RBMS3: variants seen among roughly 807,000 people sequenced by gnomAD.
RBMS3 encodes the protein RNA binding motif single stranded interacting protein 3.
In RBMS3, 27 loss-of-function variants were observed where a neutral mutation model predicts 66.8. The ratio of observed to expected loss-of-function variants is 0.40; its 90% CI spans 0.30 to 0.56. The LOEUF (loss-of-function observed/expected upper bound fraction) is 0.56, where lower values mean the gene tolerates loss of function less well. Ranked by LOEUF, RBMS3 falls within the 20% of genes least tolerant of loss-of-function variation. The probability of loss-of-function intolerance (pLI) is 0.40; values close to 1 mark genes in which losing one functional copy is unlikely to be tolerated. For synonymous variants in RBMS3, 188 were observed against 183.0 expected (o/e 1.03, Z -0.22); for missense variants, 513 against 549.5 (o/e 0.93, Z 0.66).
rs1354316250 is a variant in RBMS3 at position 29,930,882 on chromosome 3, T to C, written c.940-5204T>C. 2.6e-5 allele frequency among the ~76,000 whole-genome samples: 4 copies of C among 152,282 alleles called. No individual in the cohort carries two copies. In the East Asian group the frequency reaches 7.7e-4, roughly 29 times the overall value. On this transcript the variant is annotated intron_variant, in intron 10 of 14. Transcript: ENST00000383767. ...ATGGTTTTAAAACTGAACTGCCCCT[T>C]GGGAGAACAAGTTTTCTCAAGAATT...
intron 3 of RBMS3, among the ~76,000 whole-genome samples, chr3:29,539,077 A>G (rs970560129): frequency 3.9e-5 from 6 of 152,202 alleles, no homozygotes; most frequent in African/African-American, 1.4e-4. Context: ...CACAGAAATT[A>G]TAACTGAAGT....
At chr3:29,850,171 G>A (rs2058895633) in intron 6 of RBMS3, among the ~76,000 whole-genome samples, 1 of 152,142 alleles carries the variant, frequency 6.6e-6, no homozygotes, top group African/African-American at 2.4e-5. Context: ...ATCCTGGGGA[G>A]GAGGGGATAC....
At chr3:29,526,168 T>G (rs13096411) in intron 3 of RBMS3, 19,506 of 152,020 alleles carry the variant, frequency 0.13, 1,303 homozygotes, top group South Asian at 0.22. Flanking sequence ...AGCCCATAAG[T>G]GCTGATGTAG....
chr3:29,892,366 C>T (rs1308061531), intron 8 of RBMS3, among the ~76,000 whole-genome samples: 1 of 151,508 alleles, frequency 6.6e-6, no homozygotes, highest in African/African-American at 2.4e-5. Flanking sequence ...ATGCTACTAC[C>T]GTTCAGGACT....
chr3:29,811,650 C>G (rs1044374158), intron 6 of RBMS3, among the ~76,000 whole-genome samples: 17 of 152,102 alleles, frequency 1.1e-4, no homozygotes, highest in Non-Finnish European at 2.1e-4. Context: ...GTTTTTTTCT[C>G]TCCTGCTAAA....
intron 3 of RBMS3, among the ~76,000 whole-genome samples, chr3:29,582,145 C>T (rs1259437029): frequency 7.9e-6 from 1 of 126,092 alleles, no homozygotes; most frequent in East Asian, 2.3e-4. Flanking sequence ...TTGTAGAATT[C>T]CATTATAGAT....
At chr3:29,308,746 CA>C (rs746069017) in intron 1 of RBMS3, among the ~76,000 whole-genome samples, 11 of 18,802 alleles carry the variant, frequency 5.9e-4, no homozygotes, top group African/African-American at 1.8e-3. Context: ...TAAAAAAAAA[CA>C]AAAAAAAACA....
chr3:29,342,679 A>T (rs1456069754), intron 1 of RBMS3, among the ~76,000 whole-genome samples: 3 of 152,114 alleles, frequency 2.0e-5, no homozygotes. Context: ...TTGCCTTGAA[A>T]CTTATGTTTT....
At chr3:29,723,492 T>C (rs181743996) in intron 4 of RBMS3, among the ~76,000 whole-genome samples, 7 of 152,344 alleles carry the variant, frequency 4.6e-5, no homozygotes, top group Admixed American at 1.3e-4. Context: ...TGTGTTAAAA[T>C]CATTAATGAC....
chr3:29,316,714 A>G (rs1487056372), intron 1 of RBMS3, among the ~76,000 whole-genome samples: 1 of 151,660 alleles, frequency 6.6e-6, no homozygotes, highest in Non-Finnish European at 1.5e-5. Flanking sequence ...ACTAATTTTC[A>G]TATTTTGAGC....
intron 1 of RBMS3, among the ~76,000 whole-genome samples, chr3:29,372,427 T>G (rs561047251): frequency 6.6e-6 from 1 of 152,280 alleles, no homozygotes; most frequent in South Asian, 2.1e-4. Flanking sequence ...TGAGATAAGC[T>G]AAAGTGTCAT....
intron 3 of RBMS3, among the ~76,000 whole-genome samples, chr3:29,510,488 T>C (rs1358878039): frequency 3.9e-5 from 6 of 152,214 alleles, no homozygotes; most frequent in African/African-American, 1.4e-4. Flanking sequence ...CTATTGCCTA[T>C]GTCAAATAAT....
At position 29,299,804 on chromosome 3, in the gene RBMS3, G is replaced by T. The variant is rs1375080491; in HGVS notation, c.75+18048G>T. On this transcript the variant is annotated intron_variant, in intron 1 of 14. Coordinates refer to ENST00000383767, the MANE Select transcript of RBMS3 (RefSeq NM_001003793.3). Reference sequence around the variant, plus strand: ...TTTTAGTATGGGGGTGGGGGTTCCTGGAATCAATCCCCCACAGATAATGAG... The same window carrying T: ...TTTTAGTATGGGGGTGGGGGTTCCTTGAATCAATCCCCCACAGATAATGAG... 2.0e-5 allele frequency among the ~76,000 whole-genome samples: 3 copies of T among 151,732 alleles called. No homozygotes were observed. The East Asian group carries it at 5.9e-4, about 30-fold the overall frequency.
At chr3:29,495,230 T>C (rs1180677744) in intron 3 of RBMS3, among the ~76,000 whole-genome samples, 4 of 152,114 alleles carry the variant, frequency 2.6e-5, no homozygotes, top group Non-Finnish European at 5.9e-5. Context: ...TGTGACTTTG[T>C]TACTGGACTG....
rs2051089654 is a variant in RBMS3 at position 29,673,378 on chromosome 3, G to A, written c.400-66342G>A. ...CAAACACATTCAAAAGCTAGCAGAA[G>A]GCAACAAATAACTAAGATCAGAGCA... On this transcript the variant is annotated intron_variant, in intron 4 of 14. Transcript: ENST00000383767. Among the ~76,000 whole-genome samples the A allele has an allele frequency of 2.0e-5, 3 of 150,614 alleles. No homozygotes were observed. The South Asian group carries it at 6.3e-4, about 31-fold the overall frequency.
At chr3:29,786,103 A>G (rs879354428) in intron 6 of RBMS3, among the ~76,000 whole-genome samples, 17 of 147,968 alleles carry the variant, frequency 1.1e-4, no homozygotes, top group South Asian at 6.4e-4. Context: ...AGCTGCAAAA[A>G]AAAAAAAAAA....
Position 29,556,026 on chromosome 3 carries a change from T to C in RBMS3, c.308-31088T>C, listed in dbSNP as rs151085719. Among the ~76,000 whole-genome samples, 38 of 152,320 alleles carry C rather than the reference T, an allele frequency of 2.5e-4. 1 individual carries two copies. The East Asian group carries it at 7.1e-3, about 29-fold the overall frequency. Reference sequence around the variant, plus strand: ...TATCATTTGGGAAAACATGTTTTAATTTGAAGACACATTGAAAGTGATTAG... The same window carrying C: ...TATCATTTGGGAAAACATGTTTTAACTTGAAGACACATTGAAAGTGATTAG... On this transcript the variant is annotated intron_variant, in intron 3 of 14. Transcript: ENST00000383767.
At chr3:29,763,050 T>C in intron 6 of RBMS3, 61 bp downstream of exon 6, 1 of 1,178,846 alleles carries the variant, frequency 8.5e-7, no homozygotes, top group Non-Finnish European at 1.2e-6. Flanking sequence ...CTTATTAGAA[T>C]AAGTACATTG....
At chr3:29,662,702 C>A (rs192585589) in intron 4 of RBMS3, among the ~76,000 whole-genome samples, 1 of 152,196 alleles carries the variant, frequency 6.6e-6, no homozygotes, top group Non-Finnish European at 1.5e-5. Context: ...TGATTCTACT[C>A]TCTTCTTAAA....
Sources: allele counts gnomAD v4.1 joint callset (sites outside exome capture counted in the v4.1 genomes callset), GRCh38; gene constraint gnomAD v4.1.1; transcripts MANE v1.5; gene names NCBI Gene and HGNC (gene_info 2026-07-23, HGNC 2026-07-21).